OTC: variants seen among roughly 807,000 people sequenced by gnomAD.
OTC encodes ornithine transcarbamylase, also known as ornithine transcarbamylase, mitochondrial.
A neutral mutation model predicts 30.3 loss-of-function variants in OTC; 3 were observed. That is an observed-to-expected ratio of 0.10 (90% CI 0.05 to 0.26). The LOEUF (loss-of-function observed/expected upper bound fraction) is 0.26. OTC is among the 10% of genes least tolerant of loss of function. The pLI is 1.00. For synonymous variants in OTC, 111 were observed against 99.7 expected, an observed-to-expected ratio of 1.11 and a Z score of -0.67; for missense variants, 194 against 260.3, an observed-to-expected ratio of 0.75 and a Z score of 1.75.
At chrX:38,417,831 G>A (rs1450773107) in intron 9 of OTC, among the ~76,000 whole-genome samples, 1 of 111,692 alleles carries the variant, frequency 9.0e-6, no homozygotes, top group Non-Finnish European at 1.9e-5. Context: ...CCTTTTTTAA[G>A]GCTGAATACT....
intron 4 of OTC, among the ~76,000 whole-genome samples, chrX:38,382,844 A>C (rs2147331323): frequency 8.9e-6 from 1 of 112,058 alleles, no homozygotes; most frequent in South Asian, 3.7e-4. Flanking sequence ...GTTCAGTGGG[A>C]GGAACAGCTG....
At chrX:38,365,511 C>A (rs951977404) in intron 1 of OTC, among the ~76,000 whole-genome samples, 1 of 112,573 alleles carries the variant, frequency 8.9e-6, no homozygotes, top group African/African-American at 3.2e-5. Flanking sequence ...AGTTTGGAAT[C>A]CCTTAGTTAC....
In OTC at chrX:38,352,630, C is replaced by A; in HGVS notation, c.-67C>A. 1 of 838,688 alleles carries A rather than the reference C, an allele frequency of 1.2e-6. No homozygotes were observed. Among genetic ancestry groups the A allele is most frequent in the Non-Finnish European group, 1.8e-6 (1 of 557,534 alleles). The allele number at this position is 838,688 out of a possible 1,213,427, so 69.1% of individuals were successfully genotyped here. On this transcript the variant is annotated 5_prime_UTR_variant, in exon 1 of 10. Transcript: ENST00000039007. ...ACACATTTCTTAGTTTTTAGGTGGC[C>A]CCCGCTGGCTAACTTGCTGTGGAGT...
chrX:38,344,413 A>G, the OTC span, among the ~76,000 whole-genome samples: 2,762 of 111,719 alleles, frequency 0.025, 93 homozygotes, highest in African/African-American at 0.085. Flanking sequence ...AGAGCTTTAC[A>G]GCTTATAAAA....
intron 6 of OTC, among the ~76,000 whole-genome samples, chrX:38,404,331 A>C (rs865786227): frequency 4.5e-5 from 5 of 111,957 alleles, no homozygotes; most frequent in Non-Finnish European, 7.5e-5. Context: ...GACTTCTTTC[A>C]TAGGCCCAAT....
intron 3 of OTC, among the ~76,000 whole-genome samples, chrX:38,380,056 C>A (rs1602020101): frequency 9.0e-6 from 1 of 111,606 alleles, no homozygotes; most frequent in African/African-American, 3.3e-5. Flanking sequence ...ATATTTTACC[C>A]CAAAATACAT....
At chrX:38,369,053 G>C (rs193246950) in intron 2 of OTC, among the ~76,000 whole-genome samples, 11 of 110,449 alleles carry the variant, frequency 1.0e-4, no homozygotes, top group African/African-American at 3.6e-4. Flanking sequence ...AAACACTAGG[G>C]CTTCATCATT....
At chrX:38,365,025 A>C (rs768502738) in intron 1 of OTC, among the ~76,000 whole-genome samples, 1 of 112,441 alleles carries the variant, frequency 8.9e-6, no homozygotes, top group Non-Finnish European at 1.9e-5. Flanking sequence ...CAGTGGAAAC[A>C]ACAAATTGAG....
intron 1 of OTC, among the ~76,000 whole-genome samples, chrX:38,360,340 G>A (rs774242277): frequency 4.5e-5 from 5 of 111,575 alleles, no homozygotes; most frequent in Admixed American, 9.6e-5. Context: ...ACTAAGCACC[G>A]GGTATATATT....
chrX:38,408,729 C>T lies in OTC; in HGVS notation c.664-13C>T. ...AAATTACCTAAATAAGATTTAAATTCTTCCTCCTTTAGGGTTATGAGCCGG... is the reference window on the plus strand; with the variant it reads ...AAATTACCTAAATAAGATTTAAATTTTTCCTCCTTTAGGGTTATGAGCCGG... On this transcript the variant is annotated splice_polypyrimidine_tract_variant and intron_variant, in intron 6 of 9. Transcript: ENST00000039007. 2 of 1,156,648 alleles carry T rather than the reference C, an allele frequency of 1.7e-6. No homozygotes were observed. The highest frequency in any genetic ancestry group is 3.6e-5 in the South Asian group (2 of 55,445).
At chrX:38,341,425 G>C in the OTC span, among the ~76,000 whole-genome samples, 1 of 112,021 alleles carries the variant, frequency 8.9e-6, no homozygotes. Flanking sequence ...TTTGAAAAAT[G>C]TATCACTGAT....
At chrX:38,345,383 T>A in the OTC span, among the ~76,000 whole-genome samples, 40 of 110,753 alleles carry the variant, frequency 3.6e-4, no homozygotes, top group South Asian at 3.4e-3. Context: ...ACTTCCTTTG[T>A]AGGACTAACA....
the OTC span, among the ~76,000 whole-genome samples, chrX:38,347,245 A>G: frequency 3.6e-5 from 4 of 112,235 alleles, no homozygotes; most frequent in Non-Finnish European, 5.6e-5. Flanking sequence ...GACATTTGCT[A>G]TTTCACATAA....
chrX:38,356,518 C>T (rs2068242555), intron 1 of OTC, among the ~76,000 whole-genome samples: 2 of 111,352 alleles, frequency 1.8e-5, no homozygotes, highest in Non-Finnish European at 1.9e-5. Flanking sequence ...GTTAACAGGC[C>T]CCCATCTCAC....
chrX:38,398,723 C>G (rs973898471), intron 4 of OTC, among the ~76,000 whole-genome samples: 1 of 111,326 alleles, frequency 9.0e-6, no homozygotes, highest in Non-Finnish European at 1.9e-5. Flanking sequence ...TCTACCTCCA[C>G]TTAAGTTACT....
the OTC span, among the ~76,000 whole-genome samples, chrX:38,330,295 A>G: frequency 7.1e-5 from 8 of 112,174 alleles, no homozygotes; most frequent in African/African-American, 2.6e-4. Flanking sequence ...ATGCAACTCT[A>G]CTGACACCTT....
In OTC at chrX:38,411,950, C is replaced by T; in HGVS notation, c.956C>T (p.Pro319Leu). ...GTGGATGATGAAGTCTTTTATTCTC[C>T]TCGATCACTAGTGTTCCCAGAGGCA... ...EEVDDEVFYS[P>L]RSLVFPEAEN... Residue 319 changes from proline (P) to leucine (L), a missense_variant, in exon 9 of 10, where the codon CCT (proline) becomes CTT (leucine). Pro to Leu is a moderately conservative substitution (Grantham distance 98). Coordinates refer to ENST00000039007, the MANE Select transcript of OTC (RefSeq NM_000531.6). 1 of 1,209,339 alleles carries T rather than the reference C, an allele frequency of 8.3e-7. No individual in the cohort carries two copies. Among genetic ancestry groups the T allele is most frequent in the East Asian group, 3.0e-5 (1 of 33,829 alleles).
chrX:38,376,993 T>C (rs1169020498), intron 3 of OTC, among the ~76,000 whole-genome samples: 1 of 112,006 alleles, frequency 8.9e-6, no homozygotes, highest in Non-Finnish European at 1.9e-5. Context: ...GTGGACATAA[T>C]AGATATTTAC....
chrX:38,348,502 T>C (rs982014714), upstream of OTC, among the ~76,000 whole-genome samples: 1 of 109,854 alleles, frequency 9.1e-6, no homozygotes, highest in African/African-American at 3.3e-5. Flanking sequence ...AGTGGTATAC[T>C]GGAGCCAGCT....
Sources: allele counts gnomAD v4.1 joint callset (sites outside exome capture counted in the v4.1 genomes callset), GRCh38; gene constraint gnomAD v4.1.1; transcripts MANE v1.5; gene names NCBI Gene and HGNC (gene_info 2026-07-23, HGNC 2026-07-21).